Variants in NCAM2 observed in about 807,000 individuals in gnomAD.
NCAM2 encodes the protein neural cell adhesion molecule 2.
NCAM2 carries 30 observed loss-of-function variants against 98.1 expected under a neutral mutation model. The observed-to-expected ratio is 0.31, with a 90% CI of 0.23 to 0.41. The LOEUF (loss-of-function observed/expected upper bound fraction) is 0.41. Ranked by LOEUF, NCAM2 falls within the 10% of genes least tolerant of loss-of-function variation. The probability of loss-of-function intolerance (pLI) is 1.00; values close to 1 mark genes in which losing one functional copy is unlikely to be tolerated. For synonymous variants in NCAM2, 368 were observed against 342.4 expected (o/e 1.07, Z -0.83); for missense variants, 867 against 1,005.8 (o/e 0.86, Z 1.87).
intron 9 of NCAM2, among the ~76,000 whole-genome samples, chr21:21,399,894 C>A (rs925014127): frequency 1.3e-5 from 2 of 151,944 alleles, no homozygotes; most frequent in Admixed American, 1.3e-4. Flanking sequence ...GGAGGAATTA[C>A]AAAAGAAAGT....
intron 1 of NCAM2, among the ~76,000 whole-genome samples, chr21:21,258,170 A>AT (rs1446769159): frequency 5.3e-5 from 8 of 152,058 alleles, no homozygotes; most frequent in Admixed American, 1.3e-4. Context: ...CAGAATGTGT[A>AT]TTTTTTTGCT....
chr21:21,088,970 C>CAA (rs202042269), intron 1 of NCAM2, among the ~76,000 whole-genome samples: 10 of 138,828 alleles, frequency 7.2e-5, no homozygotes, highest in East Asian at 2.1e-4. Context: ...AACTCTGTCT[C>CAA]AAAAAAAAAA....
chr21:21,016,901 A>G (rs186214645), intron 1 of NCAM2, among the ~76,000 whole-genome samples: 164 of 152,286 alleles, frequency 1.1e-3, no homozygotes, highest in Non-Finnish European at 1.8e-3. Flanking sequence ...CTTGGGGACT[A>G]TAGTCAATAT....
chr21:21,490,088 C>T (rs1986721814), intron 15 of NCAM2, among the ~76,000 whole-genome samples: 1 of 151,866 alleles, frequency 6.6e-6, no homozygotes, highest in South Asian at 2.1e-4. Context: ...ATTAAGAACT[C>T]AACAAAGATC....
At chr21:21,130,739 T>G (rs2066917012) in intron 1 of NCAM2, among the ~76,000 whole-genome samples, 1 of 152,154 alleles carries the variant, frequency 6.6e-6, no homozygotes, top group African/African-American at 2.4e-5. Context: ...TACCAATTTT[T>G]TTTTGGTGTT....
intron 16 of NCAM2, among the ~76,000 whole-genome samples, chr21:21,517,386 T>A (rs2146378241): frequency 6.6e-6 from 1 of 152,306 alleles, no homozygotes; most frequent in East Asian, 1.9e-4. Context: ...AACATTAACA[T>A]TCTACCAAAT....
chr21:21,311,382 C>T (rs1337145675), intron 5 of NCAM2, among the ~76,000 whole-genome samples: 2 of 145,326 alleles, frequency 1.4e-5, no homozygotes, highest in African/African-American at 5.2e-5. Flanking sequence ...ACTCTGTGGC[C>T]CAGGCTGGAG....
chr21:21,398,033 C>T (rs1485482069), intron 9 of NCAM2, among the ~76,000 whole-genome samples: 2 of 152,192 alleles, frequency 1.3e-5, no homozygotes. Flanking sequence ...GTCCATTAAT[C>T]AATGAGTGGA....
chr21:21,133,355 G>A (rs2066975073), intron 1 of NCAM2, among the ~76,000 whole-genome samples: 1 of 152,156 alleles, frequency 6.6e-6, no homozygotes, highest in African/African-American at 2.4e-5. Flanking sequence ...CTGGGATATT[G>A]ACATGTTCTG....
chr21:21,508,992 G>A lies in NCAM2; in HGVS notation c.2219G>A (p.Cys740Tyr). 6.2e-7 allele frequency: 1 copy of A among 1,613,582 alleles called. No homozygotes were observed. The highest frequency in any genetic ancestry group is 8.5e-7 in the Non-Finnish European group (1 of 1,179,770). The change falls in exon 16 of 18, where the codon TGT becomes TAT. Residue 740 changes from cysteine (C) to tyrosine (Y), a missense_variant. This residue lies in a region of NCAM2 where 125 missense variants were observed against 116.1 expected (regional missense o/e 1.08). Coordinates refer to ENST00000400546, the MANE Select transcript of NCAM2 (RefSeq NM_004540.5). ...GLLMCITRRM[C>Y]GKKSGSSGKS... ...CTGATGTGCATCACTAGGAGAATGT[G>A]TGGAAAGAAAAGTGGCTCCAGTGGC... is the stretch of plus-strand genomic sequence containing the variant.
At chr21:21,259,973 T>C (rs1394874864) in intron 1 of NCAM2, among the ~76,000 whole-genome samples, 3 of 137,848 alleles carry the variant, frequency 2.2e-5, no homozygotes, top group African/African-American at 8.3e-5. Context: ...CACAAAGGAT[T>C]CAGGATGTGA....
chr21:21,105,327 AAATGAATC>A (rs2066323191), intron 1 of NCAM2, among the ~76,000 whole-genome samples: 1 of 152,144 alleles, frequency 6.6e-6, no homozygotes, highest in African/African-American at 2.4e-5. Flanking sequence ...TTTTAAATAA[AAATGAATC>A]AATTATGGAG....
intron 15 of NCAM2, among the ~76,000 whole-genome samples, chr21:21,484,349 A>G (rs181108359): frequency 3.3e-5 from 5 of 152,102 alleles, no homozygotes; most frequent in African/African-American, 9.6e-5. Flanking sequence ...TTTCTTTCCT[A>G]CTGTCACGTT....
intron 4 of NCAM2, among the ~76,000 whole-genome samples, 193 bp from the exon 5 acceptor site, chr21:21,291,911 G>C (rs1227950045): frequency 6.6e-6 from 1 of 151,106 alleles, no homozygotes; most frequent in Non-Finnish European, 1.5e-5. Context: ...AAAAAAAAAG[G>C]TGTAACAAAG....
At chr21:21,467,685 A>G (rs1447783003) in intron 13 of NCAM2, among the ~76,000 whole-genome samples, 1 of 151,592 alleles carries the variant, frequency 6.6e-6, no homozygotes, top group Non-Finnish European at 1.5e-5. Context: ...ATCTCTCCAA[A>G]AAACAATAAA....
intron 1 of NCAM2, among the ~76,000 whole-genome samples, chr21:21,183,561 C>G (rs2146925014): frequency 6.6e-6 from 1 of 152,172 alleles, no homozygotes; most frequent in East Asian, 1.9e-4. Context: ...CTGTCGTATT[C>G]CCCCACCTGG....
chr21:21,049,904 A>G (rs2146290568), intron 1 of NCAM2, among the ~76,000 whole-genome samples: 1 of 152,248 alleles, frequency 6.6e-6, no homozygotes, highest in South Asian at 2.1e-4. Context: ...TTACATCATT[A>G]TGCATATAAA....
chr21:21,523,640 G>A (rs2146395782), intron 16 of NCAM2, among the ~76,000 whole-genome samples: 1 of 151,994 alleles, frequency 6.6e-6, no homozygotes, highest in East Asian at 1.9e-4. Context: ...TGATATAAGG[G>A]ATGAAAGACT....
rs59203448 is a variant in NCAM2, at chr21:21,480,366, C to CAAAAAAAAAAAAAAA, written c.2077+2902_2077+2916dup. ...TGGGCGACAGAGCGAGACTCCATCT[C>CAAAAAAAAAAAAAAA]AAAAAAAAAAAAAAAAAAAAAGAAT... On this transcript the variant is annotated intron_variant, in intron 15 of 17. Transcript: ENST00000400546. 1.9e-3 allele frequency among the ~76,000 whole-genome samples: 130 copies of CAAAAAAAAAAAAAAA among 69,938 alleles called. 1 individual carries two copies. Among genetic ancestry groups the CAAAAAAAAAAAAAAA allele is most frequent in the African/African-American group, 7.5e-3 (125 of 16,686 alleles). The allele number at this position is 69,938 out of a possible 152,430, so 45.9% of individuals were successfully genotyped here. A position where few individuals can be genotyped will look rare whatever the true frequency, so the allele number is the denominator to read the frequency against.
Sources: allele counts gnomAD v4.1 joint callset (sites outside exome capture counted in the v4.1 genomes callset), GRCh38; gene constraint gnomAD v4.1.1; regional missense constraint gnomAD v4.1.1; transcripts MANE v1.5; gene names NCBI Gene and HGNC (gene_info 2026-07-23, HGNC 2026-07-21).